CHD3: variants seen among roughly 807,000 people sequenced by gnomAD.
The protein encoded by CHD3 is chromodomain helicase DNA binding protein 3, also known as ATP-dependent chromatin remodeler CHD3.
Under a neutral mutation model 248.9 loss-of-function variants are expected in CHD3, and 52 were observed. The observed-to-expected ratio is 0.21, with a 90% confidence interval of 0.17 to 0.26. The LOEUF is 0.26. Ranked by LOEUF, CHD3 falls within the 10% of genes least tolerant of loss-of-function variation. The pLI is 1.00. For synonymous variants in CHD3, 985 were observed against 985.2 expected, an observed-to-expected ratio of 1.00 and a Z score of 0.00; for missense variants, 1,482 against 2,605.8, an observed-to-expected ratio of 0.57 and a Z score of 9.39.
Position 7,893,474 on chromosome 17 carries a change from C to T in CHD3, c.698C>T (p.Pro233Leu). 6.2e-7 allele frequency: 1 copy of T among 1,601,584 alleles called. No homozygotes were observed. The highest frequency in any genetic ancestry group is 8.5e-7 in the Non-Finnish European group (1 of 1,172,330). ...TCAGCTGCTGTCTCGTCGGCCACCC[C>T]CATAGCACCCTCCGGACCCCCCGCC... is the stretch of plus-strand genomic sequence containing the variant. ...QVSAAVSSAT[P>L]IAPSGPPALP... Residue 233 changes from proline to leucine, a missense_variant, in exon 5 of 40, where the codon CCC becomes CTC. Around this residue, in one of 20 missense-constraint regions of CHD3, gnomAD observed 149 missense variants for 182.6 expected, o/e 0.82. Coordinates refer to ENST00000330494, the MANE Select transcript of CHD3 (RefSeq NM_001005273.3).
In CHD3 at chr17:7,907,835, C is replaced by G. The variant is rs1038415559; in HGVS notation, c.5027-59C>G. On this transcript the variant is annotated intron_variant, in intron 33 of 39. Coordinates refer to ENST00000330494, the MANE Select transcript of CHD3 (RefSeq NM_001005273.3). The surrounding 1 kb of genome is among the most constrained non-coding windows in gnomAD (Gnocchi z 4.3). The stretch of plus-strand genomic sequence containing the variant: ...AGTACAGTACAGTACAGATAGTAGT[C>G]TTGGGACCTGGGAGGAGGGTGTCCT... 3.8e-6 allele frequency: 6 copies of G among 1,576,154 alleles called. No individual in the cohort carries two copies. The African/African-American group carries it at 8.2e-5, about 21-fold the overall frequency.
rs1421536148 is a variant in CHD3 at position 7,908,526 on chromosome 17, C to G, written c.5261+16C>G. ...GGATTGTCCTGTATCCTTTGATACA[C>G]ATGCAAGAAGGAAAAGGTTCTCTCA... On this transcript the variant is annotated intron_variant, in intron 35 of 39. Coordinates refer to ENST00000330494, the MANE Select transcript of CHD3 (RefSeq NM_001005273.3). This position sits in a 1 kb window ranked among gnomAD's most constrained non-coding sequence, Gnocchi z 5.8. The G allele has an allele frequency of 3.8e-6, 6 of 1,579,200 alleles. No homozygotes were observed. Among genetic ancestry groups the G allele is most frequent in the African/African-American group, 1.4e-5 (1 of 73,690 alleles).
At position 7,910,274 on chromosome 17, in the gene CHD3, AC is replaced by A; in HGVS notation, c.5591-153del. 1.1e-6 allele frequency: 1 copy of A among 918,306 alleles called. No individual in the cohort carries two copies. 56.9% of individuals were successfully genotyped at this position (918,306 alleles called of 1,614,324 possible). ...CTTCTGTTTTCCATCTACTTCTTTTACTTTCTTGATCTCTGGTTCTTTGACA... is the reference window on the plus strand; with the variant it reads ...CTTCTGTTTTCCATCTACTTCTTTTATTTCTTGATCTCTGGTTCTTTGACA... On this transcript the variant is annotated intron_variant, in intron 37 of 39. Transcript: ENST00000330494. This position sits in a 1 kb window ranked among gnomAD's most constrained non-coding sequence, Gnocchi z 4.7.
chr17:7,887,367 G>A (rs1259795426), upstream of CHD3, among the ~76,000 whole-genome samples: 1 of 151,888 alleles, frequency 6.6e-6, no homozygotes, highest in Non-Finnish European at 1.5e-5. Flanking sequence ...TGTTGGTGGG[G>A]GAAGGGAGCA....
At position 7,906,380 on chromosome 17, in the gene CHD3, C is replaced by A; in HGVS notation, c.4359-173C>A. On this transcript the variant is annotated intron_variant, in intron 28 of 39. Coordinates refer to ENST00000330494, the MANE Select transcript of CHD3 (RefSeq NM_001005273.3). The surrounding 1 kb of genome is among the most constrained non-coding windows in gnomAD (Gnocchi z 5.0). Reference sequence around the variant, plus strand: ...GACCCAGGGGTGGGGCGCAGGGGGACAGTTAGGACTTGGAGGGCTGGTAAT... The same window carrying A: ...GACCCAGGGGTGGGGCGCAGGGGGAAAGTTAGGACTTGGAGGGCTGGTAAT... 1.4e-6 allele frequency: 1 copy of A among 705,878 alleles called. No homozygotes were observed. The allele number at this position is 705,878 out of a possible 1,614,324, so 43.7% of individuals were successfully genotyped here. A position where few individuals can be genotyped will look rare whatever the true frequency, so the allele number is the denominator to read the frequency against.
At chr17:7,896,539 G>T (rs1482864715) in intron 10 of CHD3, among the ~76,000 whole-genome samples, 1 of 151,690 alleles carries the variant, frequency 6.6e-6, no homozygotes, top group Admixed American at 6.6e-5. Flanking sequence ...TCAAGTAGCT[G>T]GGATTACAGG....
rs1174449022 is a variant in CHD3, at chr17:7,905,504, C to T, written c.4139-117C>T. 1.3e-6 allele frequency: 1 copy of T among 781,470 alleles called. No individual in the cohort carries two copies. Among genetic ancestry groups the T allele is most frequent in the Non-Finnish European group, 2.0e-6 (1 of 488,742 alleles). The allele number at this position is 781,470 out of a possible 1,614,324, so 48.4% of individuals were successfully genotyped here. On this transcript the variant is annotated intron_variant, in intron 26 of 39. Coordinates refer to ENST00000330494, the MANE Select transcript of CHD3 (RefSeq NM_001005273.3). This position sits in a 1 kb window ranked among gnomAD's most constrained non-coding sequence, Gnocchi z 5.8. Reference sequence around the variant, plus strand: ...AGTGCTTGGGAGAGAATTGGGAGCACCTCAAACGTGACAGGAATGTTCCTG... The same window carrying T: ...AGTGCTTGGGAGAGAATTGGGAGCATCTCAAACGTGACAGGAATGTTCCTG...
chr17:7,890,546 T>A, intron 2 of CHD3, 25 bp from the exon 3 acceptor site: 4 of 1,477,444 alleles, frequency 2.7e-6, no homozygotes, highest in Non-Finnish European at 3.7e-6. Context: ...GATGAATAAA[T>A]GTTATTTTTA....
intron 4 of CHD3, among the ~76,000 whole-genome samples, chr17:7,892,338 T>C (rs951680026): frequency 6.6e-6 from 1 of 152,130 alleles, no homozygotes; most frequent in Non-Finnish European, 1.5e-5. Context: ...CAGAGAATCA[T>C]AGCAACTCAA....
rs986310178 is a variant in CHD3 at position 7,889,616 on chromosome 17, G to A, written c.101-48G>A. 3.2e-6 allele frequency: 5 copies of A among 1,545,132 alleles called. No homozygotes were observed. The African/African-American group carries it at 5.5e-5, about 17-fold the overall frequency. The stretch of plus-strand genomic sequence containing the variant: ...AAGGGGCAAGTTGAGGGGCCTCAGA[G>A]GCTGGAAACCTAGAGGCTTAGGTTT... On this transcript the variant is annotated intron_variant, in intron 1 of 39. Coordinates refer to ENST00000330494, the MANE Select transcript of CHD3 (RefSeq NM_001005273.3). This position sits in a 1 kb window ranked among gnomAD's most constrained non-coding sequence, Gnocchi z 4.5.
At position 7,904,606 on chromosome 17, in the gene CHD3, T is replaced by C; in HGVS notation, c.4059T>C (p.Ala1353=). The C allele has an allele frequency of 3.7e-6, 6 of 1,613,682 alleles. No homozygotes were observed. In the South Asian group the frequency reaches 5.5e-5, roughly 15 times the overall value. The part of the protein sequence containing the change: ...VRKQVNYNDA[A]QEDQDNQSEY... The stretch of plus-strand genomic sequence containing the variant: ...AGCAAGTTAACTACAATGATGCTGC[T>C]CAGGAAGACCAAGGTGAGGACTGCC... Residue 1353 remains alanine (A), a synonymous_variant, in exon 25 of 40, where the codon GCT becomes GCC. Transcript: ENST00000330494. The surrounding 1 kb of genome is among the most constrained non-coding windows in gnomAD (Gnocchi z 4.4).
chr17:7,907,368 C>T lies in CHD3; in HGVS notation c.4804C>T (p.Pro1602Ser), dbSNP rs747936150. The T allele has an allele frequency of 3.1e-6, 5 of 1,606,018 alleles. No individual in the cohort carries two copies. The highest frequency in any genetic ancestry group is 1.7e-4 in the Middle Eastern group (1 of 6,046). ...CCTCTTCCAGGCTGATGCCCCCAGC[C>T]CAGCCCCATCACTTGGGGAGCGGCT... ...KMETEADAPSPAPSLGERLEP... is the reference protein window; with the variant it reads ...KMETEADAPSSAPSLGERLEP... Residue 1602 changes from proline (P) to serine (S), a missense_variant, in exon 32 of 40, where the codon CCA (proline) becomes TCA (serine). Coordinates refer to ENST00000330494, the MANE Select transcript of CHD3 (RefSeq NM_001005273.3). This position sits in a 1 kb window ranked among gnomAD's most constrained non-coding sequence, Gnocchi z 4.3.
Position 7,910,861 on chromosome 17 carries a change from T to C in CHD3, c.5769T>C (p.Gly1923=). 1 of 1,606,034 alleles carries C rather than the reference T, an allele frequency of 6.2e-7. No individual in the cohort carries two copies. The highest frequency in any genetic ancestry group is 8.5e-7 in the Non-Finnish European group (1 of 1,177,522). The change falls in exon 39 of 40, where the codon GGT becomes GGC. Residue 1923 remains glycine (G), a synonymous_variant. Transcript: ENST00000330494. This position sits in a 1 kb window ranked among gnomAD's most constrained non-coding sequence, Gnocchi z 4.7. ...EPHPTPAYPP[G]PYATPPGYGA... The stretch of plus-strand genomic sequence containing the variant: ...CTCTGTTCCAGGCCTACCCGCCGGG[T>C]CCCTACGCTACACCTCCGGGGTACG...
rs770518990 is a variant in CHD3, at chr17:7,910,855, G to A, written c.5763G>A (p.Pro1921=). 1.4e-5 allele frequency: 22 copies of A among 1,601,732 alleles called. No individual in the cohort carries two copies. The highest frequency in any genetic ancestry group is 5.4e-5 in the African/African-American group (4 of 73,820). The change falls in exon 39 of 40, where the codon CCG becomes CCA. Residue 1921 remains proline, a synonymous_variant. Coordinates refer to ENST00000330494, the MANE Select transcript of CHD3 (RefSeq NM_001005273.3). The surrounding 1 kb of genome is among the most constrained non-coding windows in gnomAD (Gnocchi z 4.7). ...CTTCCTCTCTGTTCCAGGCCTACCC[G>A]CCGGGTCCCTACGCTACACCTCCGG... ...GTEPHPTPAY[P]PGPYATPPGY... is the part of the protein sequence containing the mutation.
Position 7,897,597 on chromosome 17 carries a change from G to A in CHD3, c.1919+303G>A, listed in dbSNP as rs115334096. The stretch of plus-strand genomic sequence containing the variant: ...AAACATGAGAGACATAATTCATCCA[G>A]ACCAGTGTTTTGAATGTTTCTTCTT... On this transcript the variant is annotated intron_variant, in intron 11 of 39. Transcript: ENST00000330494. The surrounding 1 kb of genome is among the most constrained non-coding windows in gnomAD (Gnocchi z 4.8). Among the ~76,000 whole-genome samples the A allele has an allele frequency of 3.8e-3, 573 of 152,268 alleles. 2 individuals are homozygous for A. Among genetic ancestry groups the A allele is most frequent in the African/African-American group, 0.012 (519 of 41,558 alleles).
rs763283692 is a variant in CHD3, at chr17:7,895,036, G to A, written c.1389G>A (p.Lys463=). The change falls in exon 9 of 40, where the codon AAG becomes AAA. Residue 463 remains lysine (K), a synonymous_variant. Transcript: ENST00000330494. The surrounding 1 kb of genome is among the most constrained non-coding windows in gnomAD (Gnocchi z 4.9). ...ACATGGAGTACTGCCGCGTATGCAA[G>A]GACGGCGGGGAGCTCCTGTGCTGTG... The part of the protein sequence containing the change: ...DDHMEYCRVC[K]DGGELLCCDA... The A allele has an allele frequency of 1.1e-5, 18 of 1,614,018 alleles. No individual in the cohort carries two copies. The South Asian group carries it at 1.9e-4, about 17-fold the overall frequency.
rs1228494020 is a variant in CHD3 at position 7,910,088 on chromosome 17, TGAG to T, written c.5591-339_5591-337del. The stretch of plus-strand genomic sequence containing the variant: ...AACCCCAAACCTTGCTCTTCCAGTA[TGAG>T]ATGTTCTGACAACTCCCCGCCCCCA... On this transcript the variant is annotated intron_variant, in intron 37 of 39. Transcript: ENST00000330494. This position sits in a 1 kb window ranked among gnomAD's most constrained non-coding sequence, Gnocchi z 4.7. 1 of 378,460 alleles carries T rather than the reference TGAG, an allele frequency of 2.6e-6. No homozygotes were observed. The highest frequency in any genetic ancestry group is 4.9e-6 in the Non-Finnish European group (1 of 203,808). The allele number at this position is 378,460 out of a possible 1,614,324, so 23.4% of individuals were successfully genotyped here.
At chr17:7,886,469 C>G (rs139963970), upstream of CHD3, among the ~76,000 whole-genome samples, 8 of 152,324 alleles carry the variant, frequency 5.3e-5, no homozygotes, top group Admixed American at 4.6e-4. This position sits in a 1 kb window ranked among gnomAD's most constrained non-coding sequence, Gnocchi z 4.2. Context: ...GTAAAACTGT[C>G]ATATTGATCC....
intron 13 of CHD3, 47 bp downstream of exon 13, chr17:7,898,642 C>T (rs751065542): frequency 7.5e-6 from 11 of 1,463,204 alleles, no homozygotes; most frequent in East Asian, 6.9e-5. Context: ...TGATGGTGAT[C>T]GAAGATTTTC....
Sources: gnomAD v4.1 joint callset for allele counts (sites outside exome capture counted in the v4.1 genomes callset) on GRCh38, gnomAD v4.1.1 for gene constraint, gnomAD v4.1.1 regional missense constraint, Gnocchi (gnomAD v3.1) non-coding constraint, MANE v1.5 for transcripts, NCBI Gene and HGNC (gene_info 2026-07-23, HGNC 2026-07-21) for gene names.